The following LRFN2 variants were observed in gnomAD, a reference collection of about 807,000 sequenced individuals.
The protein encoded by LRFN2 is leucine-rich repeat and fibronectin type-III domain-containing protein 2.
LRFN2 carries 18 observed loss-of-function variants against 37.3 expected under a neutral mutation model. The observed-to-expected ratio is 0.48, with a 90% CI of 0.33 to 0.72. The LOEUF (loss-of-function observed/expected upper bound fraction) is 0.72, where lower values mean the gene tolerates loss of function less well. Ranked by LOEUF, LRFN2 falls within the 30% of genes least tolerant of loss-of-function variation. LRFN2 has a pLI of 0.02. For synonymous variants in LRFN2, 556 were observed against 466.6 expected, an observed-to-expected ratio of 1.19 and a Z score of -2.47; for missense variants, 1,006 against 1,060.7, an observed-to-expected ratio of 0.95 and a Z score of 0.72.
chr6:40,573,630 C>G lies in LRFN2; in HGVS notation c.-19+13311G>C, dbSNP rs150109041. 4.0e-3 allele frequency among the ~76,000 whole-genome samples: 608 copies of G among 152,292 alleles called. 2 individuals are homozygous for G. The highest frequency in any genetic ancestry group is 0.014 in the African/African-American group (577 of 41,562). ...CTCATCCATGCATTTGCTCTGTGAC[C>G]TGGGTAGGGTGCCCAACTCATCCTA... On this transcript the variant is annotated intron_variant, in intron 1 of 2. Transcript: ENST00000338305.
chr6:40,577,621 C>G (rs1019040945), intron 1 of LRFN2, among the ~76,000 whole-genome samples: 11 of 124,174 alleles, frequency 8.9e-5, no homozygotes, highest in African/African-American at 3.5e-4. Flanking sequence ...GTGTGATATT[C>G]CCCTTCCTGT....
Position 40,576,449 on chromosome 6 carries a change from T to C in LRFN2, c.-19+10492A>G, listed in dbSNP as rs73732768. ...AATTTAAAAACCAATATACAGTAAA[T>C]ATCAGCCTGGCATTGCAGCGCAGCA... is the stretch of plus-strand genomic sequence containing the variant. On this transcript the variant is annotated intron_variant, in intron 1 of 2. Transcript: ENST00000338305. 1.6e-3 allele frequency among the ~76,000 whole-genome samples: 237 copies of C among 152,220 alleles called. 1 individual carries two copies. Among genetic ancestry groups the C allele is most frequent in the Middle Eastern group, 0.01 (3 of 294 alleles).
rs1456469452 is a variant in LRFN2, at chr6:40,392,265, C to T, written c.2048G>A (p.Gly683Glu). 6.3e-6 allele frequency: 10 copies of T among 1,596,404 alleles called. 1 individual carries two copies. In the African/African-American group the frequency reaches 6.7e-5, roughly 11 times the overall value. ...LLDSRTPAGR[G>E]AGTSARGHHS... ...GTGGCCCCGGGCCGACGTCCCAGCC[C>T]CTCTCCCGGCTGGAGTCCTGGAGTC... Residue 683 changes from glycine to glutamate, a missense_variant, in exon 3 of 3, where the codon GGG (glycine) becomes GAG (glutamate). By Grantham distance (98) the Gly-to-Glu change is moderately conservative. Transcript: ENST00000338305. The surrounding 1 kb of genome is among the most constrained non-coding windows in gnomAD (Gnocchi z 4.7).
At chr6:40,548,482 G>A (rs1766705840) in intron 1 of LRFN2, among the ~76,000 whole-genome samples, 1 of 151,942 alleles carries the variant, frequency 6.6e-6, no homozygotes, top group Non-Finnish European at 1.5e-5. Context: ...TACCTTACAA[G>A]TTATTTTGAG....
chr6:40,424,839 T>C (rs1469021054), intron 2 of LRFN2, among the ~76,000 whole-genome samples: 1 of 152,178 alleles, frequency 6.6e-6, no homozygotes, highest in East Asian at 1.9e-4. Context: ...CCTAACAGCT[T>C]CTCCCTTTAA....
At chr6:40,464,647 C>T (rs750249298) in intron 1 of LRFN2, among the ~76,000 whole-genome samples, 11 of 152,226 alleles carry the variant, frequency 7.2e-5, no homozygotes, top group Non-Finnish European at 1.6e-4. Flanking sequence ...CTCACTCACA[C>T]CCCTCAATGT....
rs566564013 is a variant in LRFN2 at position 40,447,606 on chromosome 6, T to TATCATC, written c.-18-14481_-18-14476dup. Among the ~76,000 whole-genome samples, 6 of 152,268 alleles carry TATCATC rather than the reference T, an allele frequency of 3.9e-5. No homozygotes were observed. The East Asian group carries it at 9.6e-4, about 24-fold the overall frequency. On this transcript the variant is annotated intron_variant, in intron 1 of 2. Coordinates refer to ENST00000338305, the MANE Select transcript of LRFN2 (RefSeq NM_020737.3). ...TCTTCATTACTTCAAACGTAGATGATATCATCATCATCATCATCATGAAAT... is the reference window on the plus strand; with the variant it reads ...TCTTCATTACTTCAAACGTAGATGATATCATCATCATCATCATCATCATCATGAAAT...
At chr6:40,416,885 G>A (rs944487142) in intron 2 of LRFN2, among the ~76,000 whole-genome samples, 4 of 152,180 alleles carry the variant, frequency 2.6e-5, no homozygotes, top group South Asian at 2.1e-4. Flanking sequence ...CCGGCCCTCC[G>A]AACTGTGAAG....
At chr6:40,565,255 A>G in intron 1 of LRFN2, among the ~76,000 whole-genome samples, 1 of 152,180 alleles carries the variant, frequency 6.6e-6, no homozygotes, top group East Asian at 1.9e-4. Context: ...AAATGGAAGA[A>G]CATTCCATGC....
At chr6:40,445,802 G>C (rs979239394) in intron 1 of LRFN2, among the ~76,000 whole-genome samples, 7 of 152,120 alleles carry the variant, frequency 4.6e-5, no homozygotes, top group Non-Finnish European at 7.4e-5. Context: ...GCCTCTTTCT[G>C]GCCCTGTGGT....
intron 1 of LRFN2, among the ~76,000 whole-genome samples, chr6:40,571,259 T>C (rs754769070): frequency 6.6e-6 from 1 of 152,228 alleles, no homozygotes; most frequent in Non-Finnish European, 1.5e-5. Flanking sequence ...AGTAAACATC[T>C]GTTAACTGCA....
chr6:40,451,007 C>T (rs1764089920), intron 1 of LRFN2, among the ~76,000 whole-genome samples: 1 of 152,192 alleles, frequency 6.6e-6, no homozygotes. Context: ...ACCATAAATG[C>T]ATCTCCATGG....
intron 1 of LRFN2, among the ~76,000 whole-genome samples, chr6:40,511,137 T>C (rs1390211038): frequency 6.6e-6 from 1 of 151,928 alleles, no homozygotes; most frequent in East Asian, 1.9e-4. Context: ...GGGGAGACCT[T>C]GAGGGGGCAC....
Position 40,555,524 on chromosome 6 carries a change from C to T in LRFN2, c.-19+31417G>A, listed in dbSNP as rs541772106. Among the ~76,000 whole-genome samples, 18 of 152,324 alleles carry T rather than the reference C, an allele frequency of 1.2e-4. No homozygotes were observed. In the East Asian group the frequency reaches 2.9e-3, roughly 25 times the overall value. On this transcript the variant is annotated intron_variant, in intron 1 of 2. Transcript: ENST00000338305. Reference sequence around the variant, plus strand: ...GTAACAGCCAGAGACAGTGTTGCCACGCAGATCCCCCTCCTCACATGCCAC... The same window carrying T: ...GTAACAGCCAGAGACAGTGTTGCCATGCAGATCCCCCTCCTCACATGCCAC...
In LRFN2 at chr6:40,397,741, T is replaced by A. The variant is rs186647163; in HGVS notation, c.1401-4829A>T. On this transcript the variant is annotated intron_variant, in intron 2 of 2. Coordinates refer to ENST00000338305, the MANE Select transcript of LRFN2 (RefSeq NM_020737.3). ...GGCTAGTTGTAAAGAGGCAAGAGGG[T>A]ATCACAAGGGAATGTGCAAGAACCC... Among the ~76,000 whole-genome samples, 3 of 152,226 alleles carry A rather than the reference T, an allele frequency of 2.0e-5. No homozygotes were observed. The East Asian group carries it at 5.8e-4, about 29-fold the overall frequency.
At chr6:40,463,777 A>G (rs1295792688) in intron 1 of LRFN2, among the ~76,000 whole-genome samples, 1 of 148,708 alleles carries the variant, frequency 6.7e-6, no homozygotes, top group Non-Finnish European at 1.5e-5. Flanking sequence ...CTTGGGCTGA[A>G]GTGATCCTCC....
intron 1 of LRFN2, among the ~76,000 whole-genome samples, chr6:40,449,180 A>G (rs1321431309): frequency 2.0e-5 from 3 of 152,244 alleles, no homozygotes; most frequent in African/African-American, 7.2e-5. Flanking sequence ...TCTCACTACA[A>G]AAGTGTTAAG....
At chr6:40,568,019 C>T (rs937654908) in intron 1 of LRFN2, among the ~76,000 whole-genome samples, 2 of 152,212 alleles carry the variant, frequency 1.3e-5, no homozygotes, top group East Asian at 1.9e-4. Context: ...CCAAAACGTA[C>T]AAACAAAATT....
chr6:40,429,580 G>A (rs1283561206), intron 2 of LRFN2, among the ~76,000 whole-genome samples: 3 of 152,112 alleles, frequency 2.0e-5, no homozygotes, highest in Non-Finnish European at 2.9e-5. Flanking sequence ...TTCAATATTG[G>A]CAAAAGTGTG....
Sources: gnomAD v4.1 joint callset for allele counts (sites outside exome capture counted in the v4.1 genomes callset) on GRCh38, gnomAD v4.1.1 for gene constraint, Gnocchi (gnomAD v3.1) non-coding constraint, MANE v1.5 for transcripts, NCBI Gene and HGNC (gene_info 2026-07-23, HGNC 2026-07-21) for gene names.